The following WDPCP variants were observed in gnomAD, a reference collection of about 807,000 sequenced individuals.
The protein encoded by WDPCP is WD repeat-containing and planar cell polarity effector protein fritz homolog.
WDPCP carries 71 observed loss-of-function variants against 93.1 expected under a neutral mutation model. The observed-to-expected ratio is 0.76, with a 90% CI of 0.63 to 0.93. The LOEUF is 0.93. Ranked by LOEUF, WDPCP falls within the 40% of genes least tolerant of loss-of-function variation. The probability of loss-of-function intolerance (pLI) is 0.00; values close to 1 mark genes in which losing one functional copy is unlikely to be tolerated. For synonymous variants in WDPCP, 315 were observed against 315.0 expected (o/e 1.00, Z 0.00); for missense variants, 844 against 887.4 (o/e 0.95, Z 0.62).
chr2:63,184,292 A>G (rs1384870433), intron 14 of WDPCP, among the ~76,000 whole-genome samples: 1 of 151,794 alleles, frequency 6.6e-6, no homozygotes, highest in East Asian at 1.9e-4. Context: ...CCTTTGTGTA[A>G]CTAACTGTTT....
In WDPCP at chr2:63,404,586, C is replaced by A; in HGVS notation, c.897G>T (p.Val299=). ...VRFGTKQPYQ[V]FTVEHSVSVD... ...CACTTACGGAGTGCTCCACTGTGAA[C>A]ACCTGATAAGGCTGTTTGGTGCCAA... is the stretch of plus-strand genomic sequence containing the variant. The change falls in exon 10 of 18, where the codon GTG becomes GTT. Residue 299 remains valine, a synonymous_variant. Coordinates refer to ENST00000272321, the MANE Select transcript of WDPCP (RefSeq NM_015910.7). The A allele has an allele frequency of 6.2e-7, 1 of 1,614,032 alleles. No individual in the cohort carries two copies. Among genetic ancestry groups the A allele is most frequent in the South Asian group, 1.1e-5 (1 of 91,048 alleles).
intron 2 of WDPCP, among the ~76,000 whole-genome samples, chr2:63,700,781 C>T (rs1344431169): frequency 1.3e-5 from 2 of 152,108 alleles, no homozygotes; most frequent in Non-Finnish European, 2.9e-5. Context: ...AGAACAGGCT[C>T]TTCAATAAAA....
chr2:63,597,437 G>C (rs1709336078), intron 3 of WDPCP: 2 of 1,468,904 alleles, frequency 1.4e-6, no homozygotes, highest in Non-Finnish European at 9.1e-7. Context: ...TGCCTTCAAA[G>C]ACCTGGATGT....
rs564051667 is a variant in WDPCP at position 63,382,326 on chromosome 2, G to C, written c.1436-232C>G. On this transcript the variant is annotated intron_variant, in intron 10 of 17. Transcript: ENST00000272321. ...AATTCACTTTTACTCTTAGGACCAA[G>C]AGCATAAAACAAAGATTGGGGGGTG... Among the ~76,000 whole-genome samples the C allele has an allele frequency of 2.6e-5, 4 of 152,118 alleles. No individual in the cohort carries two copies. The East Asian group carries it at 7.8e-4, about 29-fold the overall frequency.
chr2:63,591,608 T>C (rs1709203075), upstream of WDPCP, among the ~76,000 whole-genome samples: 2 of 152,238 alleles, frequency 1.3e-5, no homozygotes. Flanking sequence ...CCCCCTTTTC[T>C]TATCCTAGTT....
At chr2:63,816,274 A>C (rs187326301) in intron 1 of WDPCP, among the ~76,000 whole-genome samples, 3 of 152,364 alleles carry the variant, frequency 2.0e-5, no homozygotes, top group Non-Finnish European at 4.4e-5. Context: ...AATAACAACA[A>C]AAAAGAAATA....
At chr2:63,338,018 CTA>C (rs1688513654) in intron 12 of WDPCP, among the ~76,000 whole-genome samples, 1 of 152,038 alleles carries the variant, frequency 6.6e-6, no homozygotes, top group Admixed American at 6.5e-5. Flanking sequence ...TCTCATTTGT[CTA>C]TTTTTGTTTT....
chr2:63,791,782 GCT>G (rs899121618), intron 2 of WDPCP, among the ~76,000 whole-genome samples: 2 of 152,118 alleles, frequency 1.3e-5, no homozygotes, highest in African/African-American at 4.8e-5. Flanking sequence ...GTTGATCCTA[GCT>G]CTGTCACTTA....
intron 3 of WDPCP, among the ~76,000 whole-genome samples, chr2:63,644,792 G>T (rs1331636605): frequency 6.6e-6 from 1 of 152,036 alleles, no homozygotes; most frequent in African/African-American, 2.4e-5. Flanking sequence ...CAATTTATTG[G>T]CATATAGTTG....
chr2:63,607,963 G>A lies in WDPCP; in HGVS notation n.488+42696C>T, dbSNP rs568582490. ...GCTAGAAAGATAAAGCATAAATCTC[G>A]TATTTAAATAGAATATAGAAACCCA... is the stretch of plus-strand genomic sequence containing the variant. On this transcript the variant is annotated intron_variant and non_coding_transcript_variant, in intron 3 of 4. Transcript: ENST00000467687. Among the ~76,000 whole-genome samples the A allele has an allele frequency of 2.0e-5, 3 of 152,054 alleles. No homozygotes were observed. The East Asian group carries it at 5.8e-4, about 29-fold the overall frequency.
intron 14 of WDPCP, among the ~76,000 whole-genome samples, chr2:63,220,264 T>C (rs1677704648): frequency 6.6e-6 from 1 of 152,150 alleles, no homozygotes; most frequent in African/African-American, 2.4e-5. Context: ...TTTTTGAGAA[T>C]TTGTTAGCTT....
chr2:63,709,149 CTT>C, intron 2 of WDPCP, among the ~76,000 whole-genome samples: 1 of 25,584 alleles, frequency 3.9e-5, no homozygotes, highest in African/African-American at 2.6e-4. Flanking sequence ...CAGAGAATCA[CTT>C]GAACCCTGGA....
intron 17 of WDPCP, among the ~76,000 whole-genome samples, chr2:63,129,253 T>C (rs974580622): frequency 1.3e-5 from 2 of 152,250 alleles, no homozygotes; most frequent in Non-Finnish European, 2.9e-5. Context: ...TGTGAAAATA[T>C]CTGTTCTTGT....
chr2:63,233,626 G>T (rs1374079256), intron 14 of WDPCP: 1 of 154,088 alleles, frequency 6.5e-6, no homozygotes, highest in Non-Finnish European at 1.5e-5. Context: ...CAGTTTTTTG[G>T]TATCTTCCTC....
intron 12 of WDPCP, among the ~76,000 whole-genome samples, chr2:63,362,258 CTTT>C (rs67493046): frequency 1.1e-5 from 1 of 93,270 alleles, no homozygotes; most frequent in Non-Finnish European, 1.9e-5. Flanking sequence ...GGTAGAATCC[CTTT>C]TTTTTTTTTT....
chr2:63,396,810 C>T (rs985179320), intron 10 of WDPCP, among the ~76,000 whole-genome samples: 9 of 152,158 alleles, frequency 5.9e-5, no homozygotes, highest in African/African-American at 2.2e-4. Context: ...TTCTCTCCCT[C>T]CTCCCAAACT....
intron 6 of WDPCP, among the ~76,000 whole-genome samples, chr2:63,446,408 G>C (rs1697873155): frequency 6.6e-6 from 1 of 152,196 alleles, no homozygotes; most frequent in African/African-American, 2.4e-5. Flanking sequence ...GCAACGTCTA[G>C]AGACACTGCA....
chr2:63,737,032 C>T (rs1669648461), intron 2 of WDPCP, among the ~76,000 whole-genome samples: 1 of 152,096 alleles, frequency 6.6e-6, no homozygotes, highest in Admixed American at 6.6e-5. Flanking sequence ...CATTTCTCTA[C>T]CTCTCCTGGA....
chr2:63,577,821 T>C (rs34693434), intron 1 of WDPCP, among the ~76,000 whole-genome samples: 3,164 of 152,308 alleles, frequency 0.021, 50 homozygotes, highest in Non-Finnish European at 0.031. Context: ...AATGTTAATG[T>C]ATTTAAATTT....
Sources: allele counts gnomAD v4.1 joint callset (sites outside exome capture counted in the v4.1 genomes callset), GRCh38; gene constraint gnomAD v4.1.1; transcripts MANE v1.5; gene names NCBI Gene and HGNC (gene_info 2026-07-23, HGNC 2026-07-21).